Variants in TMX3 observed in about 807,000 individuals in gnomAD.
TMX3 encodes protein disulfide-isomerase TMX3.
TMX3 carries 40 observed loss-of-function variants against 64.4 expected under a neutral mutation model. The observed-to-expected ratio is 0.62, with a 90% CI of 0.48 to 0.81. TMX3 has a LOEUF of 0.81. TMX3 is among the 30% of genes least tolerant of loss of function. The pLI is 0.00. For synonymous variants in TMX3, 189 were observed against 175.7 expected (o/e 1.08, Z -0.60); for missense variants, 497 against 534.5 (o/e 0.93, Z 0.69).
intron 9 of TMX3, among the ~76,000 whole-genome samples, chr18:68,690,433 C>T (rs1046663830): frequency 2.6e-5 from 4 of 152,132 alleles, no homozygotes; most frequent in African/African-American, 2.4e-5. Flanking sequence ...CTACAGATGT[C>T]GAGTTTCACT....
chr18:68,714,199 C>T (rs753560152), intron 1 of TMX3: 5 of 194,378 alleles, frequency 2.6e-5, no homozygotes, highest in Admixed American at 5.9e-5. Context: ...TTTAACCATC[C>T]TATCTTTTTG....
intron 14 of TMX3, among the ~76,000 whole-genome samples, chr18:68,680,494 C>A (rs1913313090): frequency 6.6e-6 from 1 of 152,138 alleles, no homozygotes. Context: ...CTAGAACTCT[C>A]CACGGGGGCT....
chr18:68,677,483 C>T (rs1421065897), intron 15 of TMX3, among the ~76,000 whole-genome samples: 1 of 152,070 alleles, frequency 6.6e-6, no homozygotes. Context: ...CTACATTAAC[C>T]ACAAAGGTCT....
chr18:68,707,908 C>CAT (rs574059464), intron 4 of TMX3, among the ~76,000 whole-genome samples: 6 of 151,326 alleles, frequency 4.0e-5, no homozygotes, highest in Non-Finnish European at 8.8e-5. Context: ...ATCTAATCAA[C>CAT]ATATATATGT....
chr18:68,713,288 G>T (rs967043266), intron 2 of TMX3, among the ~76,000 whole-genome samples: 3 of 152,176 alleles, frequency 2.0e-5, no homozygotes, highest in Admixed American at 1.3e-4. Flanking sequence ...AGAGACCACT[G>T]GGTTGGGAGT....
rs765041566 is a variant in TMX3 at position 68,693,579 on chromosome 18, G to A, written c.571-2218C>T. On this transcript the variant is annotated intron_variant, in intron 8 of 15. Transcript: ENST00000299608. ...AGCCGGGTGTGTGTGTGTGCTTGGC[G>A]CGGCGCTGACGTGCCAGCTCCCAAC... Among the ~76,000 whole-genome samples, 308 of 152,118 alleles carry A rather than the reference G, an allele frequency of 2.0e-3. 9 individuals are homozygous for A. Among genetic ancestry groups the A allele is most frequent in the Non-Finnish European group, 5.1e-4 (35 of 68,034 alleles).
At chr18:68,713,521 T>A (rs2031514483) in intron 2 of TMX3, among the ~76,000 whole-genome samples, 1 of 152,226 alleles carries the variant, frequency 6.6e-6, no homozygotes, top group Non-Finnish European at 1.5e-5. Context: ...GCAAGGCTGA[T>A]TAATGCTGTC....
intron 4 of TMX3, among the ~76,000 whole-genome samples, chr18:68,709,331 C>G (rs964224952): frequency 1.2e-4 from 18 of 152,220 alleles, no homozygotes; most frequent in Middle Eastern, 6.8e-3. Flanking sequence ...TCCTTTAAAA[C>G]AGGTGTCGGT....
At chr18:68,707,135 G>A (rs1176529959) in intron 4 of TMX3, among the ~76,000 whole-genome samples, 1 of 151,772 alleles carries the variant, frequency 6.6e-6, no homozygotes, top group East Asian at 1.9e-4. Context: ...AACATGGTAA[G>A]CACATTAAGT....
In TMX3 at chr18:68,680,711, C is replaced by A. The variant is rs535168914; in HGVS notation, c.1035+270G>T. Among the ~76,000 whole-genome samples the A allele has an allele frequency of 1.8e-3, 273 of 152,200 alleles. No individual in the cohort carries two copies. The highest frequency in any genetic ancestry group is 3.4e-3 in the Middle Eastern group (1 of 294). On this transcript the variant is annotated intron_variant, in intron 14 of 15. Coordinates refer to ENST00000299608, the MANE Select transcript of TMX3 (RefSeq NM_019022.5). ...CCTCAACCTTAGCCAACAGCCCCTC[C>A]CCATCACCATGACAACCAAAAATAC...
intron 4 of TMX3, among the ~76,000 whole-genome samples, chr18:68,704,286 C>T (rs1443720804): frequency 2.6e-5 from 4 of 151,840 alleles, no homozygotes; most frequent in South Asian, 4.1e-4. Flanking sequence ...TTATAACTGG[C>T]GTTAATATTT....
At chr18:68,697,368 TAAAC>T in intron 7 of TMX3, 65 bp from the exon 8 acceptor site, 4 of 879,090 alleles carry the variant, frequency 4.6e-6, no homozygotes, top group South Asian at 1.8e-5. Context: ...CATTCCTCAT[TAAAC>T]AATGAGAGTT....
intron 7 of TMX3, chr18:68,697,619 C>A (rs1915222786): frequency 2.7e-6 from 1 of 372,774 alleles, no homozygotes; most frequent in African/African-American, 2.1e-5. Flanking sequence ...TGTGTATACA[C>A]ACATACAAAG....
In TMX3 at chr18:68,683,656, A is replaced by C. The variant is rs577455199; in HGVS notation, c.848+534T>G. Among the ~76,000 whole-genome samples the C allele has an allele frequency of 7.2e-5, 11 of 152,264 alleles. No homozygotes were observed. In the East Asian group the frequency reaches 1.9e-3, roughly 27 times the overall value. On this transcript the variant is annotated intron_variant, in intron 12 of 15. Coordinates refer to ENST00000299608, the MANE Select transcript of TMX3 (RefSeq NM_019022.5). ...AAGAAGCAGGTATGATACAAATTAT[A>C]GATCAAAGTATCTCTTTTTTTAGCT...
chr18:68,699,172 TCA>T (rs1199026962), intron 6 of TMX3, among the ~76,000 whole-genome samples: 1 of 152,192 alleles, frequency 6.6e-6, no homozygotes, highest in Non-Finnish European at 1.5e-5. Flanking sequence ...CATTGCATCA[TCA>T]CTCTACCCTA....
At chr18:68,705,498 C>T (rs1599337843) in intron 4 of TMX3, among the ~76,000 whole-genome samples, 1 of 152,210 alleles carries the variant, frequency 6.6e-6, no homozygotes, top group East Asian at 1.9e-4. Flanking sequence ...AAATGTCATT[C>T]CAAATTTACA....
chr18:68,704,458 G>A (rs1371567912), intron 4 of TMX3, among the ~76,000 whole-genome samples: 1 of 152,022 alleles, frequency 6.6e-6, no homozygotes, highest in Non-Finnish European at 1.5e-5. Flanking sequence ...GGAAGATTCG[G>A]TAACTCTTTT....
intron 9 of TMX3, 197 bp from the exon 10 acceptor site, chr18:68,687,962 C>T (rs1332018792): frequency 5.7e-6 from 2 of 352,244 alleles, no homozygotes; most frequent in African/African-American, 4.2e-5. Flanking sequence ...ATTATAGCAT[C>T]ATTAAAAATA....
At chr18:68,691,888 T>C (rs1043182060) in intron 8 of TMX3, among the ~76,000 whole-genome samples, 1 of 152,198 alleles carries the variant, frequency 6.6e-6, no homozygotes, top group African/African-American at 2.4e-5. Flanking sequence ...CTGTACTTAC[T>C]TTGAGAGAAA....
Sources: gnomAD v4.1 joint callset for allele counts (sites outside exome capture counted in the v4.1 genomes callset) on GRCh38, gnomAD v4.1.1 for gene constraint, MANE v1.5 for transcripts, NCBI Gene and HGNC (gene_info 2026-07-23, HGNC 2026-07-21) for gene names.